The following GHR variants were observed in gnomAD, a reference collection of about 807,000 sequenced individuals.
GHR encodes GH receptor.
A neutral mutation model predicts 67.1 loss-of-function variants in GHR; 35 were observed. That is an observed-to-expected ratio of 0.52 (90% confidence interval 0.40 to 0.69). The LOEUF (loss-of-function observed/expected upper bound fraction) is 0.69. GHR is among the 30% of genes least tolerant of loss of function. The pLI, the probability that GHR is intolerant of heterozygous loss-of-function variation, is 0.00. For synonymous variants in GHR, 272 were observed against 269.1 expected (o/e 1.01, Z -0.10); for missense variants, 792 against 764.6 (o/e 1.04, Z -0.42).
chr5:42,600,990 A>G (rs890696204), intron 2 of GHR, among the ~76,000 whole-genome samples: 52 of 124,370 alleles, frequency 4.2e-4, no homozygotes, highest in Admixed American at 5.3e-4. Context: ...GCGATGGTGC[A>G]ATCTTGTCTC....
intron 1 of GHR, among the ~76,000 whole-genome samples, chr5:42,439,966 A>G (rs1010723263): frequency 6.6e-6 from 1 of 152,196 alleles, no homozygotes; most frequent in Non-Finnish European, 1.5e-5. Flanking sequence ...ACTGTATAGT[A>G]TATGCCTGAC....
chr5:42,582,391 C>G (rs1751226026), intron 2 of GHR, among the ~76,000 whole-genome samples: 1 of 152,248 alleles, frequency 6.6e-6, no homozygotes, highest in Non-Finnish European at 1.5e-5. Flanking sequence ...TTCCTCCCTT[C>G]TGATCTCATA....
intron 1 of GHR, chr5:42,425,008 C>T (rs1342035795): frequency 8.1e-6 from 8 of 985,152 alleles, no homozygotes; most frequent in Non-Finnish European, 9.6e-6. Flanking sequence ...CTGTTTGTGC[C>T]GCCAGGAGAC....
At chr5:42,638,158 C>G (rs1263980851) in intron 3 of GHR, among the ~76,000 whole-genome samples, 1 of 151,784 alleles carries the variant, frequency 6.6e-6, no homozygotes, top group Non-Finnish European at 1.5e-5. Context: ...TCAGGCTGGT[C>G]TCGAACTCCT....
intron 2 of GHR, among the ~76,000 whole-genome samples, chr5:42,580,150 C>G (rs999237089): frequency 1.3e-5 from 2 of 152,120 alleles, no homozygotes; most frequent in African/African-American, 4.8e-5. Context: ...CTGGGTTGAT[C>G]TGGTTGCCTT....
intron 1 of GHR, among the ~76,000 whole-genome samples, chr5:42,478,896 C>T (rs971326183): frequency 4.6e-5 from 7 of 152,270 alleles, no homozygotes; most frequent in Admixed American, 3.3e-4. Flanking sequence ...TGCCTCATTG[C>T]CCTGGCCAGA....
In GHR at chr5:42,468,546, C is replaced by T. The variant is rs2112085180; in HGVS notation, c.-12+44591C>T. On this transcript the variant is annotated intron_variant, in intron 1 of 9. Transcript: ENST00000230882. ...GCTCCTACTGGCACGAGAACAATGA[C>T]CCTTATTCCTTCTTTCTTAAGCACC... 3 of 841,236 alleles carry T rather than the reference C, an allele frequency of 3.6e-6. No individual in the cohort carries two copies. In the East Asian group the frequency reaches 7.5e-5, roughly 21 times the overall value. The allele number at this position is 841,236 out of a possible 1,614,324, so 52.1% of individuals were successfully genotyped here. A position where few individuals can be genotyped will look rare whatever the true frequency, so the allele number is the denominator to read the frequency against.
intron 2 of GHR, among the ~76,000 whole-genome samples, chr5:42,608,425 C>A (rs1354892602): frequency 1.3e-5 from 2 of 151,638 alleles, no homozygotes; most frequent in Non-Finnish European, 2.9e-5. Flanking sequence ...TAACCCCTAA[C>A]TACTTTTTTT....
Position 42,568,026 on chromosome 5 carries a change from ATAC to A in GHR, c.70+2088_70+2090del, listed in dbSNP as rs201585191. On this transcript the variant is annotated intron_variant, in intron 2 of 9. Transcript: ENST00000230882. ...TAGATTAAATTTTTAAAAAGAAAAG[ATAC>A]TACTATTGAATTCAGTTTGTTCAGT... Among the ~76,000 whole-genome samples, 1,036 of 152,316 alleles carry A rather than the reference ATAC, an allele frequency of 6.8e-3. 9 individuals are homozygous for A. The highest frequency in any genetic ancestry group is 0.024 in the African/African-American group (981 of 41,556).
intron 3 of GHR, among the ~76,000 whole-genome samples, chr5:42,687,788 A>G (rs1469688311): frequency 6.6e-6 from 1 of 152,212 alleles, no homozygotes; most frequent in Non-Finnish European, 1.5e-5. Context: ...TAACCCAGGA[A>G]TGAGAGTTTT....
intron 4 of GHR, among the ~76,000 whole-genome samples, chr5:42,693,951 T>C (rs1167171136): frequency 6.6e-6 from 1 of 152,206 alleles, no homozygotes; most frequent in African/African-American, 2.4e-5. Context: ...TTTCCTGTCA[T>C]TCCATTGCCT....
intron 2 of GHR, among the ~76,000 whole-genome samples, chr5:42,627,116 T>C (rs1753741354): frequency 6.6e-6 from 1 of 152,196 alleles, no homozygotes; most frequent in Non-Finnish European, 1.5e-5. Context: ...TAAAGTTCTG[T>C]TTCTCTCATG....
intron 1 of GHR, among the ~76,000 whole-genome samples, chr5:42,514,634 C>T (rs1369581220): frequency 6.6e-6 from 1 of 152,052 alleles, no homozygotes; most frequent in East Asian, 1.9e-4. Context: ...ATGGGGAGCT[C>T]TGATAAGGTA....
At chr5:42,470,618 A>T (rs1227322424) in intron 1 of GHR, among the ~76,000 whole-genome samples, 2 of 152,212 alleles carry the variant, frequency 1.3e-5, no homozygotes, top group East Asian at 3.8e-4. Flanking sequence ...AATCACCACA[A>T]GATCCTTCCA....
chr5:42,428,903 T>C, intron 1 of GHR, among the ~76,000 whole-genome samples: 1 of 152,228 alleles, frequency 6.6e-6, no homozygotes, highest in East Asian at 1.9e-4. Flanking sequence ...TCCAAGTCTC[T>C]AGAAAGTTCC....
chr5:42,457,247 T>A (rs1359158453), intron 1 of GHR, among the ~76,000 whole-genome samples: 1 of 152,206 alleles, frequency 6.6e-6, no homozygotes, highest in Non-Finnish European at 1.5e-5. Flanking sequence ...TGGGTATATT[T>A]GAATTACTAG....
At chr5:42,562,790 A>G (rs529213726) in intron 1 of GHR, among the ~76,000 whole-genome samples, 2 of 151,438 alleles carry the variant, frequency 1.3e-5, no homozygotes, top group African/African-American at 2.4e-5. Flanking sequence ...AGCTGGGATT[A>G]CAGGCATGCG....
At chr5:42,470,304 TAC>T (rs36120101) in intron 1 of GHR, among the ~76,000 whole-genome samples, 5 of 149,210 alleles carry the variant, frequency 3.4e-5, no homozygotes, top group Non-Finnish European at 4.4e-5. Flanking sequence ...TATTTGTGTA[TAC>T]ACACACACAC....
chr5:42,567,627 C>T (rs1750017504), intron 2 of GHR, among the ~76,000 whole-genome samples: 2 of 151,366 alleles, frequency 1.3e-5, no homozygotes, highest in South Asian at 4.2e-4. Context: ...ATTGAACTAA[C>T]CAATATTTCT....
Sources: gnomAD v4.1 joint callset for allele counts (sites outside exome capture counted in the v4.1 genomes callset) on GRCh38, gnomAD v4.1.1 for gene constraint, MANE v1.5 for transcripts, NCBI Gene and HGNC (gene_info 2026-07-23, HGNC 2026-07-21) for gene names.